The following NOD1 variants were observed in gnomAD, a reference collection of about 807,000 sequenced individuals.
NOD1 encodes nucleotide-binding oligomerization domain-containing protein 1.
In NOD1, 70 loss-of-function variants were observed where a neutral mutation model predicts 81.2. The ratio of observed to expected loss-of-function variants is 0.86; its 90% CI spans 0.71 to 1.05. NOD1 has a LOEUF of 1.05. NOD1 is among the 50% of genes least tolerant of loss of function. NOD1 has a pLI of 0.00. For synonymous variants in NOD1, 508 were observed against 526.9 expected (o/e 0.96, Z 0.49); for missense variants, 1,233 against 1,228.0 (o/e 1.00, Z -0.06).
chr7:30,451,222 A>C lies in NOD1; in HGVS notation c.2195T>G (p.Val732Gly). The change falls in exon 6 of 14, where the codon GTT (valine) becomes GGT (glycine). Residue 732 changes from valine to glycine, a missense_variant. Val to Gly is a moderately radical substitution (Grantham distance 109). Transcript: ENST00000222823. The surrounding 1 kb of genome is among the most constrained non-coding windows in gnomAD (Gnocchi z 4.2). ...CCTTGCCTGGCAGCCTCACCTGAGA[A>C]CAGTGAGGCGGCTGAAGCAGGGCTG... ...ELQPCFSRLT[V>G]LRLSVNQITD... The C allele has an allele frequency of 6.2e-7, 1 of 1,612,698 alleles. No homozygotes were observed. The highest frequency in any genetic ancestry group is 1.1e-5 in the South Asian group (1 of 91,038).
intron 1 of NOD1, among the ~76,000 whole-genome samples, chr7:30,469,951 T>G (rs1042271354): frequency 6.7e-6 from 1 of 148,792 alleles, no homozygotes; most frequent in Non-Finnish European, 1.5e-5. Context: ...GTTCCCACCT[T>G]ACTCTGTTTC....
In NOD1 at chr7:30,451,325, CGAA is replaced by C. The variant is rs1785678072; in HGVS notation, c.2089_2091del (p.Phe697del). On this transcript the variant is annotated inframe_deletion, in exon 6 of 14. Coordinates refer to ENST00000222823, the MANE Select transcript of NOD1 (RefSeq NM_006092.4). The surrounding 1 kb of genome is among the most constrained non-coding windows in gnomAD (Gnocchi z 4.2). The stretch of plus-strand genomic sequence containing the variant: ...AGCCGCTTGGGGAAGTGATGCAGGA[CGAA>C]GGAGAGGGCGCTGCAGTCGGCCGAG... The C allele has an allele frequency of 6.2e-7, 1 of 1,614,180 alleles. No individual in the cohort carries two copies. Among genetic ancestry groups the C allele is most frequent in the Non-Finnish European group, 8.5e-7 (1 of 1,180,036 alleles).
intron 1 of NOD1, among the ~76,000 whole-genome samples, chr7:30,468,415 T>A (rs745552824): frequency 1.5e-4 from 23 of 152,206 alleles, no homozygotes; most frequent in Non-Finnish European, 2.9e-4. Flanking sequence ...CCCAAATGGT[T>A]ATTATTACCA....
intron 1 of NOD1, among the ~76,000 whole-genome samples, chr7:30,471,523 T>C (rs1389636595): frequency 6.6e-6 from 1 of 152,184 alleles, no homozygotes; most frequent in Non-Finnish European, 1.5e-5. Context: ...AAACACCCAA[T>C]AAAGAATTTT....
At position 30,430,097 on chromosome 7, in the gene NOD1, C is replaced by T. The variant is rs140069127; in HGVS notation, c.2706-640G>A. Among the ~76,000 whole-genome samples, 1,288 of 152,238 alleles carry T rather than the reference C, an allele frequency of 8.5e-3. 12 individuals carry two copies. Among genetic ancestry groups the T allele is most frequent in the African/African-American group, 0.029 (1,206 of 41,534 alleles). On this transcript the variant is annotated intron_variant, in intron 12 of 13. Coordinates refer to ENST00000222823, the MANE Select transcript of NOD1 (RefSeq NM_006092.4). The stretch of plus-strand genomic sequence containing the variant: ...ACACACCATGGGACAGGAAGTCTGA[C>T]GTCTCCTTCCAGGTAGCTAGGGAAA...
At chr7:30,454,798 A>G (rs1412090224) in intron 5 of NOD1, among the ~76,000 whole-genome samples, 2 of 152,160 alleles carry the variant, frequency 1.3e-5, no homozygotes, top group African/African-American at 2.4e-5. Flanking sequence ...ATGTCCAGCT[A>G]AAGATTTTTT....
At chr7:30,462,065 T>G (rs1264882817) in intron 1 of NOD1, among the ~76,000 whole-genome samples, 1 of 152,170 alleles carries the variant, frequency 6.6e-6, no homozygotes, top group Admixed American at 6.6e-5. Context: ...GCTTTTCAGA[T>G]CAGTTTCATC....
intron 1 of NOD1, among the ~76,000 whole-genome samples, chr7:30,477,672 G>A (rs966717141): frequency 6.2e-5 from 9 of 146,270 alleles, no homozygotes; most frequent in South Asian, 2.2e-4. Context: ...GCGCCACCAC[G>A]CCCGGTTAAT....
chr7:30,451,004 T>C lies in NOD1; in HGVS notation c.2201+212A>G, dbSNP rs1785632537. 6.6e-6 allele frequency among the ~76,000 whole-genome samples: 1 copy of C among 152,210 alleles called. No individual in the cohort carries two copies. Among genetic ancestry groups the C allele is most frequent in the African/African-American group, 2.4e-5 (1 of 41,460 alleles). On this transcript the variant is annotated intron_variant, in intron 6 of 13. Transcript: ENST00000222823. This position sits in a 1 kb window ranked among gnomAD's most constrained non-coding sequence, Gnocchi z 4.2. ...TGGAGGCTCTGAGAGTTAAGCACTT[T>C]GTTCAAGGGCACCCAGCTGTGGCTG...
chr7:30,466,364 AT>A (rs536789760), intron 1 of NOD1, among the ~76,000 whole-genome samples: 133 of 145,896 alleles, frequency 9.1e-4, no homozygotes, highest in South Asian at 3.5e-3. Context: ...TCAATGTGCA[AT>A]TTTTTTTTTT....
At chr7:30,445,585 C>T (rs1784968221) in intron 9 of NOD1, among the ~76,000 whole-genome samples, 1 of 151,536 alleles carries the variant, frequency 6.6e-6, no homozygotes, top group South Asian at 2.1e-4. Flanking sequence ...ATGGTGAAAC[C>T]CCGCCTCTAC....
At chr7:30,436,584 T>C (rs937457852) in intron 10 of NOD1, among the ~76,000 whole-genome samples, 4 of 152,230 alleles carry the variant, frequency 2.6e-5, no homozygotes, top group African/African-American at 4.8e-5. Context: ...TCCCCATTTA[T>C]AGAGAGGAAG....
At chr7:30,466,617 T>G (rs12669082) in intron 1 of NOD1, among the ~76,000 whole-genome samples, 23,554 of 152,136 alleles carry the variant, frequency 0.15, 2,089 homozygotes, top group Admixed American at 0.23. Flanking sequence ...CAGTGAGCTA[T>G]GATCACACCA....
intron 13 of NOD1, 46 bp from the exon 14 acceptor site, chr7:30,425,756 G>A (rs372809270): frequency 2.3e-6 from 3 of 1,333,302 alleles, no homozygotes; most frequent in Admixed American, 3.4e-5. Flanking sequence ...AAATGTTAAG[G>A]ATCCTCGCAC....
intron 13 of NOD1, 74 bp downstream of exon 13, chr7:30,429,300 T>A: frequency 7.8e-7 from 1 of 1,283,696 alleles, no homozygotes; most frequent in South Asian, 1.2e-5. Context: ...CACCCTGCGT[T>A]GTGCCTTGCA....
chr7:30,456,983 CAGA>C lies in NOD1; in HGVS notation c.-65_-63del. On this transcript the variant is annotated 5_prime_UTR_variant, in exon 4 of 14. Coordinates refer to ENST00000222823, the MANE Select transcript of NOD1 (RefSeq NM_006092.4). ...TCTTCAGCTGCGTGTGTCCTCTCAG[CAGA>C]AGGGCAATCAGGATTCAGGCCGCGC... The C allele has an allele frequency of 1.4e-6, 2 of 1,437,266 alleles. No individual in the cohort carries two copies. Among genetic ancestry groups the C allele is most frequent in the Non-Finnish European group, 2.0e-6 (2 of 1,021,258 alleles). The allele number at this position is 1,437,266 out of a possible 1,614,324, so 89.0% of individuals were successfully genotyped here.
rs1785679033 is a variant in NOD1, at chr7:30,451,334, G to C, written c.2083C>G (p.Leu695Val). 1.2e-6 allele frequency: 2 copies of C among 1,614,188 alleles called. No homozygotes were observed. The highest frequency in any genetic ancestry group is 1.7e-6 in the Non-Finnish European group (2 of 1,180,038). The change falls in exon 6 of 14, where the codon CTC (leucine) becomes GTC (valine). Residue 695 changes from leucine (L) to valine (V), a missense_variant. Transcript: ENST00000222823. This position sits in a 1 kb window ranked among gnomAD's most constrained non-coding sequence, Gnocchi z 4.2. ...CNACSADCSA[L>V]SFVLHHFPKR... is the part of the protein sequence containing the mutation. ...GGGAAGTGATGCAGGACGAAGGAGA[G>C]GGCGCTGCAGTCGGCCGAGCAGGCG...
chr7:30,471,664 C>G (rs556616900), intron 1 of NOD1, among the ~76,000 whole-genome samples: 4 of 152,254 alleles, frequency 2.6e-5, no homozygotes, highest in Non-Finnish European at 5.9e-5. Context: ...AACAGACTAG[C>G]GTGAAAAACT....
At chr7:30,431,269 T>C (rs780687915) in intron 12 of NOD1, among the ~76,000 whole-genome samples, 3 of 152,326 alleles carry the variant, frequency 2.0e-5, no homozygotes, top group Admixed American at 6.5e-5. Context: ...AAAAACAATA[T>C]GTAGCAGAGT....
Sources: gnomAD v4.1 joint callset for allele counts (sites outside exome capture counted in the v4.1 genomes callset) on GRCh38, gnomAD v4.1.1 for gene constraint, Gnocchi (gnomAD v3.1) non-coding constraint, MANE v1.5 for transcripts, NCBI Gene and HGNC (gene_info 2026-07-23, HGNC 2026-07-21) for gene names.